The following ATF7IP2 variants were observed in gnomAD, a reference collection of about 807,000 sequenced individuals.
The protein encoded by ATF7IP2 is activating transcription factor 7 interacting protein 2.
A neutral mutation model predicts 64.2 loss-of-function variants in ATF7IP2; 42 were observed. The ratio of observed to expected loss-of-function variants is 0.65; its 90% CI spans 0.51 to 0.85. The LOEUF is 0.85. Among genes scored for constraint, ATF7IP2 ranks in the 40% least tolerant of loss-of-function variants. The pLI is 0.00. For synonymous variants in ATF7IP2, 308 were observed against 272.8 expected, an observed-to-expected ratio of 1.13 and a Z score of -1.27; for missense variants, 933 against 784.2, an observed-to-expected ratio of 1.19 and a Z score of -2.27.
At chr16:10,429,715 A>ATTTT (rs1280550531) in intron 4 of ATF7IP2, among the ~76,000 whole-genome samples, 1 of 135,828 alleles carries the variant, frequency 7.4e-6, no homozygotes, top group African/African-American at 2.7e-5. Context: ...ATTTTATTTT[A>ATTTT]TTTTATTTTA....
chr16:10,481,485 A>G (rs2050227209), intron 13 of ATF7IP2, among the ~76,000 whole-genome samples: 1 of 152,216 alleles, frequency 6.6e-6, no homozygotes, highest in African/African-American at 2.4e-5. Context: ...GGATTTTGCC[A>G]TGTTGGCCAG....
intron 1 of ATF7IP2, among the ~76,000 whole-genome samples, chr16:10,390,319 T>C (rs2047295999): frequency 6.6e-6 from 1 of 152,292 alleles, no homozygotes; most frequent in African/African-American, 2.4e-5. Context: ...AAATATGTTA[T>C]TGCTTGGAAA....
chr16:10,474,174 T>C (rs1363867459), intron 12 of ATF7IP2, among the ~76,000 whole-genome samples, 185 bp downstream of exon 12: 2 of 152,226 alleles, frequency 1.3e-5, no homozygotes, highest in African/African-American at 2.4e-5. Context: ...TCCTTCATGC[T>C]ACCCCTTTAT....
chr16:10,431,410 A>T lies in ATF7IP2; in HGVS notation c.790A>T (p.Ser264Cys). The change falls in exon 5 of 14, where the codon AGT becomes TGT. Residue 264 changes from serine to cysteine, a missense_variant. By Grantham distance (112) the Ser-to-Cys change is moderately radical. Coordinates refer to ENST00000562102, the MANE Select transcript of ATF7IP2 (RefSeq NM_001393719.1). ...TAGAACCAGTATTTCAAATTGTGAAAGTGCAGACTCAACATGGCAGTCATC... is the reference window on the plus strand; with the variant it reads ...TAGAACCAGTATTTCAAATTGTGAATGTGCAGACTCAACATGGCAGTCATC... The part of the protein sequence containing the change: ...CSRTSISNCE[S>C]ADSTWQSSLD... 6.2e-7 allele frequency: 1 copy of T among 1,611,018 alleles called. No homozygotes were observed. The highest frequency in any genetic ancestry group is 8.5e-7 in the Non-Finnish European group (1 of 1,177,462).
At chr16:10,432,116 C>T (rs1025980961) in intron 5 of ATF7IP2, among the ~76,000 whole-genome samples, 1 of 151,110 alleles carries the variant, frequency 6.6e-6, no homozygotes, top group South Asian at 2.1e-4. Flanking sequence ...GGATTACAGG[C>T]GTGAGCCACT....
At chr16:10,431,628 C>T (rs1295966364) in intron 5 of ATF7IP2, among the ~76,000 whole-genome samples, 173 bp downstream of exon 5, 3 of 152,034 alleles carry the variant, frequency 2.0e-5, no homozygotes, top group African/African-American at 7.3e-5. Context: ...GACAGGTATC[C>T]ACCATATTAA....
chr16:10,463,533 C>T (rs2049443703), intron 9 of ATF7IP2, among the ~76,000 whole-genome samples: 3 of 152,188 alleles, frequency 2.0e-5, no homozygotes, highest in African/African-American at 7.2e-5. Flanking sequence ...CAGAGCTCTA[C>T]ATGGTGAGGC....
chr16:10,408,387 C>G (rs916637224), intron 1 of ATF7IP2, among the ~76,000 whole-genome samples: 3 of 152,118 alleles, frequency 2.0e-5, no homozygotes, highest in Non-Finnish European at 4.4e-5. Flanking sequence ...AATGGTAGTT[C>G]TACTTTTAGT....
At chr16:10,430,276 T>G (rs900809115) in intron 4 of ATF7IP2, among the ~76,000 whole-genome samples, 1 of 152,208 alleles carries the variant, frequency 6.6e-6, no homozygotes, top group Non-Finnish European at 1.5e-5. Flanking sequence ...AATGTTTAGA[T>G]TATTTAAACT....
At chr16:10,446,968 CTT>C (rs1477966566) in intron 8 of ATF7IP2, 1 of 152,190 alleles carries the variant, frequency 6.6e-6, no homozygotes, top group Non-Finnish European at 1.5e-5. Flanking sequence ...TTCTCGCACT[CTT>C]CTCCTTTTGC....
Position 10,433,597 on chromosome 16 carries a change from T to G in ATF7IP2, c.908T>G (p.Ile303Ser). The G allele has an allele frequency of 3.1e-6, 5 of 1,613,700 alleles. No individual in the cohort carries two copies. Among genetic ancestry groups the G allele is most frequent in the Non-Finnish European group, 4.2e-6 (5 of 1,179,662 alleles). ...NVKRMKTSEQINENICVSLER... is the reference protein window; with the variant it reads ...NVKRMKTSEQSNENICVSLER... ...AAACGCATGAAAACTTCAGAGCAAA[T>G]TAATGAAAATATTTGTGTAAGTTTG... The change falls in exon 6 of 14, where the codon ATT (isoleucine) becomes AGT (serine). Residue 303 changes from isoleucine (I) to serine (S), a missense_variant. Physicochemically the swap from Ile to Ser is moderately radical, Grantham distance 142. Transcript: ENST00000562102.
At chr16:10,456,196 A>G (rs1030130130) in intron 8 of ATF7IP2, among the ~76,000 whole-genome samples, 5 of 150,326 alleles carry the variant, frequency 3.3e-5, no homozygotes, top group African/African-American at 4.9e-5. Context: ...ACAATGTGAG[A>G]AAAAAAAAGA....
intron 9 of ATF7IP2, among the ~76,000 whole-genome samples, chr16:10,468,490 G>A (rs1301069049): frequency 1.3e-5 from 2 of 152,180 alleles, no homozygotes; most frequent in Admixed American, 1.3e-4. Flanking sequence ...CAAATGACAT[G>A]AACTCTACCA....
rs570483697 is a variant in ATF7IP2 at position 10,428,405 on chromosome 16, G to A, written c.-159-463G>A. ...AGGGCCATAGTAACAATATGTTCAC[G>A]TGGTTGGATGTTTTCATCAGATTTA... On this transcript the variant is annotated intron_variant, in intron 3 of 13. Coordinates refer to ENST00000562102, the MANE Select transcript of ATF7IP2 (RefSeq NM_001393719.1). 1.8e-4 allele frequency among the ~76,000 whole-genome samples: 28 copies of A among 152,304 alleles called. No homozygotes were observed. In the East Asian group the frequency reaches 2.3e-3, roughly 13 times the overall value.
intron 8 of ATF7IP2, among the ~76,000 whole-genome samples, chr16:10,455,817 G>C (rs1207260585): frequency 6.6e-6 from 1 of 152,124 alleles, no homozygotes; most frequent in East Asian, 1.9e-4. Flanking sequence ...AGCATTGTTG[G>C]TGAGGACTTG....
intron 6 of ATF7IP2, among the ~76,000 whole-genome samples, chr16:10,436,962 T>G (rs1420027471): frequency 6.6e-6 from 1 of 152,076 alleles, no homozygotes; most frequent in Non-Finnish European, 1.5e-5. Flanking sequence ...TTTGTTAGAA[T>G]GGCATGCATT....
intron 8 of ATF7IP2, chr16:10,446,464 G>C (rs2048808396): frequency 6.6e-6 from 1 of 152,112 alleles, no homozygotes; most frequent in South Asian, 2.1e-4. Context: ...CCAGTCTTTA[G>C]GGGGTGAAGG....
intron 13 of ATF7IP2, 62 bp from the exon 14 acceptor site, chr16:10,481,774 A>G (rs2050238976): frequency 6.8e-6 from 9 of 1,322,248 alleles, no homozygotes; most frequent in Non-Finnish European, 8.3e-6. Context: ...TGAGAAATAT[A>G]TATTTCTACA....
chr16:10,457,686 G>A (rs575304250), intron 9 of ATF7IP2, 157 bp downstream of exon 9: 57 of 581,768 alleles, frequency 9.8e-5, no homozygotes, highest in African/African-American at 9.0e-4. Flanking sequence ...TTCAGTTGTG[G>A]GGGTTTTTTT....
Sources: allele counts gnomAD v4.1 joint callset (sites outside exome capture counted in the v4.1 genomes callset), GRCh38; gene constraint gnomAD v4.1.1; transcripts MANE v1.5; gene names NCBI Gene and HGNC (gene_info 2026-07-23, HGNC 2026-07-21).